Variants in CCDC169 observed in about 807,000 individuals in gnomAD.
CCDC169 encodes coiled-coil domain containing 169.
In CCDC169, 30 loss-of-function variants were observed where a neutral mutation model predicts 36.0. The ratio of observed to expected loss-of-function variants is 0.83; its 90% CI spans 0.62 to 1.13. The LOEUF (loss-of-function observed/expected upper bound fraction) is 1.13. CCDC169 is among the 50% of genes most tolerant of loss of function. The pLI is 0.00. For synonymous variants in CCDC169, 85 were observed against 81.5 expected, an observed-to-expected ratio of 1.04 and a Z score of -0.23; for missense variants, 245 against 245.9, an observed-to-expected ratio of 1.00 and a Z score of 0.03.
At chr13:36,244,882 A>G (rs1239980592) in intron 7 of CCDC169, among the ~76,000 whole-genome samples, 1 of 152,086 alleles carries the variant, frequency 6.6e-6, no homozygotes, top group Non-Finnish European at 1.5e-5. Flanking sequence ...TAGTTTTTCC[A>G]GGGAAGTCCT....
At chr13:36,273,602 C>G (rs1876389020) in intron 4 of CCDC169, among the ~76,000 whole-genome samples, 1 of 152,174 alleles carries the variant, frequency 6.6e-6, no homozygotes, top group Non-Finnish European at 1.5e-5. Flanking sequence ...AATATTTCTA[C>G]TATTCTACAA....
At chr13:36,273,794 A>C (rs753239668) in intron 4 of CCDC169, among the ~76,000 whole-genome samples, 23 of 152,216 alleles carry the variant, frequency 1.5e-4, no homozygotes, top group Non-Finnish European at 2.5e-4. Context: ...ATGTATTAAG[A>C]AGCAGCTTCA....
intron 4 of CCDC169, among the ~76,000 whole-genome samples, chr13:36,271,783 TA>T (rs1190355224): frequency 6.6e-6 from 1 of 151,590 alleles, no homozygotes; most frequent in Non-Finnish European, 1.5e-5. Flanking sequence ...AAGGAAGGGA[TA>T]AAAAAACTAC....
At chr13:36,237,084 T>G (rs999557628) in intron 7 of CCDC169, among the ~76,000 whole-genome samples, 1 of 151,930 alleles carries the variant, frequency 6.6e-6, no homozygotes, top group Non-Finnish European at 1.5e-5. Flanking sequence ...ATTATTATTA[T>G]TATTTTCCCC....
intron 7 of CCDC169, among the ~76,000 whole-genome samples, 189 bp downstream of exon 7, chr13:36,248,417 T>C (rs1458575726): frequency 6.6e-6 from 1 of 151,912 alleles, no homozygotes; most frequent in East Asian, 1.9e-4. Context: ...GTATCTGGGA[T>C]CTAAAAAAAA....
intron 7 of CCDC169, among the ~76,000 whole-genome samples, chr13:36,235,892 T>G (rs1201722965): frequency 6.6e-6 from 1 of 151,944 alleles, no homozygotes; most frequent in Non-Finnish European, 1.5e-5. Flanking sequence ...TAAAACTTAA[T>G]TCTGTTTCAA....
chr13:36,266,797 T>C (rs1253403843), intron 4 of CCDC169, among the ~76,000 whole-genome samples: 3 of 152,212 alleles, frequency 2.0e-5, no homozygotes, highest in Admixed American at 6.5e-5. Context: ...GCAATCTTTA[T>C]GAAGTGAACT....
chr13:36,287,735 C>T (rs771350950), intron 2 of CCDC169, among the ~76,000 whole-genome samples: 2 of 152,128 alleles, frequency 1.3e-5, no homozygotes, highest in Non-Finnish European at 2.9e-5. Flanking sequence ...TGTCCCCATA[C>T]ATTTTTGTCT....
At chr13:36,230,598 T>C (rs1366063952), downstream of CCDC169, among the ~76,000 whole-genome samples, 1 of 152,172 alleles carries the variant, frequency 6.6e-6, no homozygotes, top group African/African-American at 2.4e-5. Flanking sequence ...TCAGAAAGTG[T>C]ATAGTTTTGC....
At chr13:36,276,780 G>A (rs575714224) in intron 4 of CCDC169, among the ~76,000 whole-genome samples, 1 of 151,052 alleles carries the variant, frequency 6.6e-6, no homozygotes, top group Admixed American at 6.6e-5. Flanking sequence ...TTGTTGATAA[G>A]AGCCATTACA....
At chr13:36,285,818 C>T (rs556792048) in intron 2 of CCDC169, among the ~76,000 whole-genome samples, 2 of 152,274 alleles carry the variant, frequency 1.3e-5, no homozygotes, top group East Asian at 1.9e-4. Context: ...CAAAACAAGA[C>T]ACACAGACCT....
rs1593997999 is a variant in CCDC169, at chr13:36,238,460, TA to T, written c.546-7169del. ...TTTGGTATGTGAATAATATCTCAAT[TA>T]AAAAATTTTTTTAAATGTGCTTTGG... On this transcript the variant is annotated intron_variant, in intron 7 of 7. Coordinates refer to ENST00000239859, the MANE Select transcript of CCDC169 (RefSeq NM_001144981.3). Among the ~76,000 whole-genome samples, 2 of 152,254 alleles carry T rather than the reference TA, an allele frequency of 1.3e-5. 1 individual carries two copies. The highest frequency in any genetic ancestry group is 4.1e-4 in the South Asian group (2 of 4,824).
intron 6 of CCDC169, among the ~76,000 whole-genome samples, chr13:36,249,259 A>C (rs952440260): frequency 6.6e-6 from 1 of 152,200 alleles, no homozygotes; most frequent in African/African-American, 2.4e-5. Context: ...AATCAATAAT[A>C]CAAACTGAGA....
chr13:36,237,326 C>G (rs1871211439), intron 7 of CCDC169, among the ~76,000 whole-genome samples: 1 of 151,828 alleles, frequency 6.6e-6, no homozygotes, highest in African/African-American at 2.4e-5. Flanking sequence ...AAATTGGAAC[C>G]CTGATACACA....
chr13:36,279,786 C>T (rs1422035094), intron 4 of CCDC169, among the ~76,000 whole-genome samples: 3 of 152,148 alleles, frequency 2.0e-5, no homozygotes, highest in African/African-American at 7.2e-5. Context: ...TATACTACAG[C>T]AGCAGGGTTG....
intron 6 of CCDC169, among the ~76,000 whole-genome samples, chr13:36,248,899 A>G (rs917703799): frequency 1.0e-5 from 1 of 95,686 alleles, no homozygotes; most frequent in Non-Finnish European, 2.0e-5. Context: ...AGTCCATGTG[A>G]CTTAAAAAAA....
At chr13:36,243,108 T>C (rs1872053958) in intron 7 of CCDC169, among the ~76,000 whole-genome samples, 1 of 152,170 alleles carries the variant, frequency 6.6e-6, no homozygotes, top group African/African-American at 2.4e-5. Context: ...TAAATCAGCT[T>C]GGTACATGGG....
At position 36,297,625 on chromosome 13, in the gene CCDC169, C is replaced by A. The variant is rs1298149800; in HGVS notation, c.83+12G>T. 2 of 1,549,274 alleles carry A rather than the reference C, an allele frequency of 1.3e-6. No homozygotes were observed. Among genetic ancestry groups the A allele is most frequent in the South Asian group, 2.4e-5 (2 of 84,056 alleles). ...TGGACGGGACCCCACACCGCGCCGC[C>A]CGCCGACTCACTTCTTGCGGACTTC... On this transcript the variant is annotated intron_variant, in intron 1 of 7. Transcript: ENST00000239859.
At chr13:36,227,392 AGAT>A (rs1369971159), downstream of CCDC169, 1 of 1,532,752 alleles carries the variant, frequency 6.5e-7, no homozygotes, top group East Asian at 2.5e-5. Context: ...CTGTTTGAAG[AGAT>A]GTGAATAGAA....
Sources: allele counts gnomAD v4.1 joint callset (sites outside exome capture counted in the v4.1 genomes callset), GRCh38; gene constraint gnomAD v4.1.1; transcripts MANE v1.5; gene names NCBI Gene and HGNC (gene_info 2026-07-23, HGNC 2026-07-21).